The following SOX5 variants were observed in gnomAD, a reference collection of about 807,000 sequenced individuals.
SOX5 encodes the protein transcription factor SOX-5.
SOX5 carries 9 observed loss-of-function variants against 92.0 expected under a neutral mutation model. The ratio of observed to expected loss-of-function variants is 0.10; its 90% CI spans 0.06 to 0.17. The LOEUF is 0.17. Among genes scored for constraint, SOX5 ranks in the 10% least tolerant of loss-of-function variants. The pLI is 1.00. For missense variants in SOX5, 642 were observed against 944.5 expected, an observed-to-expected ratio of 0.68 and a Z score of 4.20; for synonymous variants, 344 against 336.3, an observed-to-expected ratio of 1.02 and a Z score of -0.25.
chr12:23,702,140 C>G (rs910706455), intron 6 of SOX5, among the ~76,000 whole-genome samples: 1 of 152,022 alleles, frequency 6.6e-6, no homozygotes, highest in Non-Finnish European at 1.5e-5. Flanking sequence ...TAATATATGT[C>G]TCTAACCATT....
At chr12:24,136,372 C>G (rs1228233335) in intron 4 of SOX5, among the ~76,000 whole-genome samples, 1 of 152,206 alleles carries the variant, frequency 6.6e-6, no homozygotes, top group Non-Finnish European at 1.5e-5. Flanking sequence ...TAATAGCTAT[C>G]CTGGAGAGCA....
At chr12:23,982,975 T>C (rs568217124) in intron 4 of SOX5, among the ~76,000 whole-genome samples, 1 of 152,184 alleles carries the variant, frequency 6.6e-6, no homozygotes, top group South Asian at 2.1e-4. Context: ...GGTGTGTCAT[T>C]CTCGGCCTTC....
chr12:24,272,105 T>G (rs996381512), intron 3 of SOX5, among the ~76,000 whole-genome samples: 1 of 152,206 alleles, frequency 6.6e-6, no homozygotes, highest in South Asian at 2.1e-4. Flanking sequence ...ATATTGGATC[T>G]TTTCAATGCA....
chr12:24,272,765 T>C (rs1417342939), intron 3 of SOX5, among the ~76,000 whole-genome samples: 1 of 152,226 alleles, frequency 6.6e-6, no homozygotes, highest in Non-Finnish European at 1.5e-5. Flanking sequence ...ATTGCCAAAT[T>C]TGAATTGCTA....
At chr12:24,135,392 T>C (rs1199642236) in intron 4 of SOX5, among the ~76,000 whole-genome samples, 2 of 152,174 alleles carry the variant, frequency 1.3e-5, no homozygotes, top group Non-Finnish European at 2.9e-5. Flanking sequence ...TCCTTGGAAT[T>C]CCCTCCCTTA....
intron 4 of SOX5, among the ~76,000 whole-genome samples, chr12:24,124,548 C>T (rs552021422): frequency 7.2e-6 from 1 of 139,262 alleles, no homozygotes; most frequent in African/African-American, 2.6e-5. Context: ...GTATAAATCA[C>T]TTGAGGAATG....
At chr12:24,481,546 A>C (rs1946002070) in intron 1 of SOX5, among the ~76,000 whole-genome samples, 1 of 152,180 alleles carries the variant, frequency 6.6e-6, no homozygotes, top group African/African-American at 2.4e-5. Context: ...AAATATATAT[A>C]CTTACTAGGT....
chr12:24,265,288 C>T (rs1477352265), intron 3 of SOX5, among the ~76,000 whole-genome samples: 3 of 152,078 alleles, frequency 2.0e-5, no homozygotes, highest in Non-Finnish European at 2.9e-5. Flanking sequence ...GGCTCACGCC[C>T]GTAATCTTAA....
chr12:23,891,143 C>A (rs1442402499), intron 2 of SOX5, among the ~76,000 whole-genome samples: 2 of 152,110 alleles, frequency 1.3e-5, no homozygotes, highest in Non-Finnish European at 2.9e-5. Flanking sequence ...ATCTGTAGTG[C>A]ACTCTGAACA....
chr12:24,077,988 T>C (rs1411225804), intron 4 of SOX5, among the ~76,000 whole-genome samples: 2 of 151,514 alleles, frequency 1.3e-5, no homozygotes, highest in Non-Finnish European at 2.9e-5. Context: ...TGTATTTCCA[T>C]TGAATTATAG....
intron 2 of SOX5, among the ~76,000 whole-genome samples, chr12:23,848,848 A>G (rs1378854170): frequency 6.6e-6 from 1 of 152,196 alleles, no homozygotes; most frequent in Admixed American, 6.6e-5. Flanking sequence ...TCTAAATTCT[A>G]ATCATAAAAG....
chr12:23,681,763 A>C (rs562072083), intron 6 of SOX5, among the ~76,000 whole-genome samples: 91 of 151,936 alleles, frequency 6.0e-4, no homozygotes, highest in Non-Finnish European at 9.6e-4. Flanking sequence ...TTTTCAAAAG[A>C]ATCCAAATAT....
intron 1 of SOX5, among the ~76,000 whole-genome samples, chr12:23,919,708 C>G (rs2097461126): frequency 6.6e-6 from 1 of 152,198 alleles, no homozygotes; most frequent in Admixed American, 6.5e-5. Flanking sequence ...TGAAGTCCCA[C>G]AACTTCAGTA....
At chr12:23,760,544 C>T (rs1468472947) in intron 3 of SOX5, among the ~76,000 whole-genome samples, 1 of 152,112 alleles carries the variant, frequency 6.6e-6, no homozygotes, top group Non-Finnish European at 1.5e-5. Context: ...TTTCCCTTCT[C>T]ACTCTTGCCT....
intron 4 of SOX5, among the ~76,000 whole-genome samples, chr12:24,126,898 A>G (rs1386776625): frequency 2.0e-5 from 3 of 152,070 alleles, no homozygotes; most frequent in Non-Finnish European, 4.4e-5. Flanking sequence ...CTTTCTTCGA[A>G]CTTTTCACTT....
In SOX5 at chr12:23,824,415, C is replaced by G. The variant is rs566732305; in HGVS notation, c.481+21568G>C. On this transcript the variant is annotated intron_variant, in intron 3 of 14. Transcript: ENST00000451604. ...TGCTGGAATTTGCTGGGGGTCCACT[C>G]CAGACCCTGTTTGCCTGGTTATCAC... Among the ~76,000 whole-genome samples the G allele has an allele frequency of 2.6e-5, 4 of 152,322 alleles. No individual in the cohort carries two copies. The South Asian group carries it at 8.3e-4, about 32-fold the overall frequency.
chr12:24,217,337 C>A (rs988501781), intron 3 of SOX5, among the ~76,000 whole-genome samples: 4 of 152,162 alleles, frequency 2.6e-5, no homozygotes, highest in Admixed American at 2.6e-4. Flanking sequence ...AAATAGTTAG[C>A]GTCAGATTGA....
intron 4 of SOX5, among the ~76,000 whole-genome samples, chr12:24,205,738 A>C (rs1309303116): frequency 6.6e-6 from 1 of 152,164 alleles, no homozygotes; most frequent in Non-Finnish European, 1.5e-5. Flanking sequence ...ATAGACTCTT[A>C]AGAAAGCTTT....
chr12:23,747,119 C>T (rs1229981165), intron 4 of SOX5, among the ~76,000 whole-genome samples: 4 of 152,030 alleles, frequency 2.6e-5, no homozygotes, highest in Admixed American at 6.6e-5. Flanking sequence ...ATACACCATC[C>T]ATACATTGCT....
Sources: gnomAD v4.1 joint callset for allele counts (sites outside exome capture counted in the v4.1 genomes callset) on GRCh38, gnomAD v4.1.1 for gene constraint, MANE v1.5 for transcripts, NCBI Gene and HGNC (gene_info 2026-07-23, HGNC 2026-07-21) for gene names.